SUMF1: variants seen among roughly 807,000 people sequenced by gnomAD.
SUMF1 encodes the protein formylglycine-generating enzyme.
Under a neutral mutation model 47.6 loss-of-function variants are expected in SUMF1, and 48 were observed. The ratio of observed to expected loss-of-function variants is 1.01; its 90% CI spans 0.80 to 1.28. The LOEUF is 1.28. Ranked by LOEUF, SUMF1 falls within the 50% of genes most tolerant of loss-of-function variation. The pLI is 0.00. For synonymous variants in SUMF1, 230 were observed against 192.1 expected, an observed-to-expected ratio of 1.20 and a Z score of -1.63; for missense variants, 571 against 485.4, an observed-to-expected ratio of 1.18 and a Z score of -1.66.
chr3:4,174,934 T>C (rs547508795), intron 8 of SUMF1, among the ~76,000 whole-genome samples: 22 of 152,306 alleles, frequency 1.4e-4, no homozygotes, highest in African/African-American at 3.4e-4. Flanking sequence ...CTCACTGCTA[T>C]TGCAGCAGTC....
intron 8 of SUMF1, among the ~76,000 whole-genome samples, chr3:4,145,473 ATCTTGTCCC>A (rs1424355579): frequency 1.3e-5 from 2 of 152,144 alleles, no homozygotes; most frequent in Non-Finnish European, 2.9e-5. Context: ...TGCAATTCAT[ATCTTGTCCC>A]TCTTGTTCTG....
chr3:4,325,377 G>A (rs564344208), intron 8 of SUMF1, among the ~76,000 whole-genome samples: 366 of 151,458 alleles, frequency 2.4e-3, no homozygotes, highest in Non-Finnish European at 3.9e-3. Context: ...GAGAAAGGAA[G>A]AAAGAAAAAA....
At chr3:4,281,329 G>C (rs1344094091) in intron 8 of SUMF1, among the ~76,000 whole-genome samples, 3 of 152,130 alleles carry the variant, frequency 2.0e-5, no homozygotes, top group Non-Finnish European at 2.9e-5. Flanking sequence ...GGATGGTGGA[G>C]AGGGTTGATT....
intron 8 of SUMF1, among the ~76,000 whole-genome samples, chr3:4,123,555 T>C (rs961042748): frequency 1.2e-4 from 18 of 152,170 alleles, no homozygotes; most frequent in Admixed American, 9.8e-4. Flanking sequence ...ATGAAACACA[T>C]GTATTGTACT....
At chr3:4,107,055 A>G (rs1434248528) in intron 8 of SUMF1, among the ~76,000 whole-genome samples, 2 of 152,072 alleles carry the variant, frequency 1.3e-5, no homozygotes, top group African/African-American at 4.8e-5. Flanking sequence ...TTACCTCTTC[A>G]ACTTCATTCT....
intron 8 of SUMF1, among the ~76,000 whole-genome samples, chr3:4,302,464 C>G (rs547004767): frequency 8.2e-6 from 1 of 122,162 alleles, no homozygotes; most frequent in South Asian, 2.8e-4. Context: ...GATGAAGCCT[C>G]CAAGAGGTAA....
At chr3:4,227,954 T>C (rs1184958853) in intron 8 of SUMF1, among the ~76,000 whole-genome samples, 1 of 152,086 alleles carries the variant, frequency 6.6e-6, no homozygotes, top group Non-Finnish European at 1.5e-5. Context: ...AATACTTAGG[T>C]TAAGACCTAA....
In SUMF1 at chr3:4,059,794, T is replaced by TG. The variant is rs1271624941; in HGVS notation, c.1191+8774dup. Among the ~76,000 whole-genome samples, 152 of 128,972 alleles carry TG rather than the reference T, an allele frequency of 1.2e-3. 2 individuals are homozygous for TG. Among genetic ancestry groups the TG allele is most frequent in the African/African-American group, 4.0e-3 (141 of 35,654 alleles). 84.6% of individuals were successfully genotyped at this position (128,972 alleles called of 152,430 possible). On this transcript the variant is annotated intron_variant and NMD_transcript_variant, in intron 9 of 12. Transcript: ENST00000448413. ...GTTAGGAATTTAAAAGGTGTCCCTG[T>TG]GGAAAAAAAAAAAAAAAACCTTGAG...
At chr3:4,439,480 T>C (rs963611168) in intron 3 of SUMF1, among the ~76,000 whole-genome samples, 2 of 151,864 alleles carry the variant, frequency 1.3e-5, no homozygotes, top group East Asian at 1.9e-4. Flanking sequence ...GAGCAGAGAT[T>C]ACACCACTGA....
chr3:4,130,279 C>T (rs998475402), intron 8 of SUMF1, among the ~76,000 whole-genome samples: 1 of 152,146 alleles, frequency 6.6e-6, no homozygotes, highest in Admixed American at 6.5e-5. Context: ...TCTCCTGGTA[C>T]CTGGTATGCA....
At chr3:4,282,735 C>A (rs1469887423) in intron 8 of SUMF1, among the ~76,000 whole-genome samples, 1 of 152,176 alleles carries the variant, frequency 6.6e-6, no homozygotes, top group East Asian at 1.9e-4. Context: ...TCATAAAACA[C>A]TCTCTTAAAA....
rs534893889 is a variant in SUMF1 at position 4,182,495 on chromosome 3, G to A, written c.1015-113750C>T. 7.9e-5 allele frequency among the ~76,000 whole-genome samples: 12 copies of A among 151,316 alleles called. No homozygotes were observed. In the South Asian group the frequency reaches 1.3e-3, roughly 16 times the overall value. ...AGGAAAAAAGAAACTTGTATTCAGC[G>A]GGTAAAACGTAGAACTTCAGACATA... On this transcript the variant is annotated intron_variant and NMD_transcript_variant, in intron 8 of 12. Transcript: ENST00000448413.
intron 8 of SUMF1, among the ~76,000 whole-genome samples, chr3:4,170,904 C>G (rs898883397): frequency 6.6e-6 from 1 of 152,092 alleles, no homozygotes; most frequent in Non-Finnish European, 1.5e-5. Flanking sequence ...TGAAGTCAGT[C>G]ACTGTTGCAT....
At chr3:4,222,766 C>A (rs1696094686) in intron 8 of SUMF1, among the ~76,000 whole-genome samples, 2 of 152,038 alleles carry the variant, frequency 1.3e-5, no homozygotes, top group Non-Finnish European at 2.9e-5. Context: ...TAATTTATTA[C>A]CCACAGGATT....
chr3:4,104,560 G>C (rs1417435070), intron 8 of SUMF1, among the ~76,000 whole-genome samples: 1 of 152,006 alleles, frequency 6.6e-6, no homozygotes, highest in East Asian at 1.9e-4. Context: ...GAAGGAGAGA[G>C]AGAGGTCAGG....
chr3:4,356,722 T>C (rs921438331), downstream of SUMF1, among the ~76,000 whole-genome samples: 1 of 152,184 alleles, frequency 6.6e-6, no homozygotes, highest in Admixed American at 6.5e-5. Context: ...TATTAGTTGG[T>C]TGCCAACATT....
chr3:4,187,967 G>A (rs1695237848), intron 8 of SUMF1, among the ~76,000 whole-genome samples: 1 of 152,018 alleles, frequency 6.6e-6, no homozygotes, highest in South Asian at 2.1e-4. Flanking sequence ...TGATAAAACT[G>A]TTTTTTAAAA....
chr3:4,234,109 G>A (rs553895592), intron 8 of SUMF1, among the ~76,000 whole-genome samples: 1 of 152,066 alleles, frequency 6.6e-6, no homozygotes, highest in African/African-American at 2.4e-5. Context: ...TTGTACGGGT[G>A]TTTAATTTAC....
At chr3:4,114,450 G>C (rs1389001260) in intron 8 of SUMF1, among the ~76,000 whole-genome samples, 1 of 152,152 alleles carries the variant, frequency 6.6e-6, no homozygotes, top group African/African-American at 2.4e-5. Flanking sequence ...CAAAGGTTAA[G>C]TGTAACTGTT....
Sources: gnomAD v4.1 joint callset for allele counts (sites outside exome capture counted in the v4.1 genomes callset) on GRCh38, gnomAD v4.1.1 for gene constraint, MANE v1.5 for transcripts, NCBI Gene and HGNC (gene_info 2026-07-23, HGNC 2026-07-21) for gene names.